TNRC18: variants seen among roughly 807,000 people sequenced by gnomAD.
TNRC18 encodes trinucleotide repeat containing 18, also known as trinucleotide repeat-containing gene 18 protein.
A neutral mutation model predicts 226.7 loss-of-function variants in TNRC18; 69 were observed. That is an observed-to-expected ratio of 0.30 (90% CI 0.25 to 0.37). TNRC18 has a LOEUF of 0.37. Among genes scored for constraint, TNRC18 ranks in the 10% least tolerant of loss-of-function variants. The pLI, the probability that TNRC18 is intolerant of heterozygous loss-of-function variation, is 1.00. For synonymous variants in TNRC18, 2,449 were observed against 1,927.6 expected (o/e 1.27, Z -7.09); for missense variants, 4,754 against 4,256.6 (o/e 1.12, Z -3.25).
intron 2 of TNRC18, among the ~76,000 whole-genome samples, chr7:5,402,910 A>C (rs1218305956): frequency 6.6e-6 from 1 of 151,680 alleles, no homozygotes; most frequent in African/African-American, 2.4e-5. Flanking sequence ...GATTAGCTGG[A>C]GGAAGGGTGC....
chr7:5,377,957 C>T lies in TNRC18; in HGVS notation c.2220G>A (p.Gly740=). ...TCTCCTGATCCCGGTCCAGCCGTGC[C>T]CCGAGCAGCCGTTCCTCCCGGTGTC... is the stretch of plus-strand genomic sequence containing the variant. The part of the protein sequence containing the change: ...RARHREERLL[G]ARLDRDQEKL... Residue 740 remains glycine (G), a synonymous_variant, in exon 6 of 30, where the codon GGG becomes GGA. Transcript: ENST00000430969. The surrounding 1 kb of genome is among the most constrained non-coding windows in gnomAD (Gnocchi z 5.8). 6.2e-7 allele frequency: 1 copy of T among 1,613,634 alleles called. No homozygotes were observed. The highest frequency in any genetic ancestry group is 8.5e-7 in the Non-Finnish European group (1 of 1,179,824).
chr7:5,406,289 C>A (rs1562629655), intron 2 of TNRC18, among the ~76,000 whole-genome samples: 1 of 151,646 alleles, frequency 6.6e-6, no homozygotes, highest in Non-Finnish European at 1.5e-5. Context: ...ATGGTGAAAT[C>A]CCATCTCTAC....
intron 5 of TNRC18, among the ~76,000 whole-genome samples, chr7:5,378,580 C>T (rs987438401): frequency 2.6e-5 from 4 of 151,732 alleles, no homozygotes; most frequent in East Asian, 3.9e-4. Context: ...CACCACGCCC[C>T]GCTAGTTTTT....
At chr7:5,318,852 A>T (rs1343299544) in intron 24 of TNRC18, among the ~76,000 whole-genome samples, 1 of 152,226 alleles carries the variant, frequency 6.6e-6, no homozygotes, top group Admixed American at 6.5e-5. Flanking sequence ...CTATCTCTAA[A>T]AAATCAGGGT....
chr7:5,308,084 TGGCCCGCAG>T lies in TNRC18; in HGVS notation c.*13_*21del, dbSNP rs1162295330. 3.9e-6 allele frequency: 6 copies of T among 1,540,572 alleles called. No individual in the cohort carries two copies. Among genetic ancestry groups the T allele is most frequent in the Non-Finnish European group, 5.3e-6 (6 of 1,140,252 alleles). ...TCCCTGGCCGCCCTCGGGGCACAGG[TGGCCCGCAG>T]GGCCCGGCGGGCTCAGCAGAGCACG... On this transcript the variant is annotated 3_prime_UTR_variant, in exon 30 of 30. Transcript: ENST00000430969.
At chr7:5,329,805 C>G in intron 19 of TNRC18, 3 of 410,170 alleles carry the variant, frequency 7.3e-6, no homozygotes, top group Non-Finnish European at 1.0e-5. Context: ...GGCTCCTTAA[C>G]CACTGGACTA....
chr7:5,409,117 G>T (rs1257701843), intron 2 of TNRC18, among the ~76,000 whole-genome samples: 3 of 151,824 alleles, frequency 2.0e-5, no homozygotes, highest in African/African-American at 7.3e-5. Context: ...CTCCTCAATG[G>T]CCAACAAGCC....
chr7:5,397,414 G>C (rs1251627833), intron 2 of TNRC18, among the ~76,000 whole-genome samples: 1 of 152,200 alleles, frequency 6.6e-6, no homozygotes, highest in Non-Finnish European at 1.5e-5. Context: ...CCGGATGCCA[G>C]CCAACGGCTC....
intron 2 of TNRC18, among the ~76,000 whole-genome samples, chr7:5,403,361 T>A (rs1781242818): frequency 6.6e-6 from 1 of 152,154 alleles, no homozygotes; most frequent in Non-Finnish European, 1.5e-5. Flanking sequence ...GGTTTCTCCA[T>A]GTTGGTCAGG....
At chr7:5,338,557 T>C (rs1454855844) in intron 18 of TNRC18, among the ~76,000 whole-genome samples, 1 of 137,044 alleles carries the variant, frequency 7.3e-6, no homozygotes, top group East Asian at 2.2e-4. Context: ...GGGCAACAGG[T>C]AGAGGTTGCA....
At chr7:5,323,549 C>T (rs1788594201) in intron 21 of TNRC18, among the ~76,000 whole-genome samples, 1 of 147,384 alleles carries the variant, frequency 6.8e-6, no homozygotes, top group Admixed American at 7.0e-5. Flanking sequence ...CCCACTCGTT[C>T]TCTGTGCAGC....
Position 5,324,432 on chromosome 7 carries a change from A to G in TNRC18, c.6301-77T>C. The G allele has an allele frequency of 1.3e-6, 2 of 1,558,470 alleles. No individual in the cohort carries two copies. The highest frequency in any genetic ancestry group is 1.7e-6 in the Non-Finnish European group (2 of 1,149,090). On this transcript the variant is annotated intron_variant, in intron 20 of 29. Coordinates refer to ENST00000430969, the MANE Select transcript of TNRC18 (RefSeq NM_001080495.3). This position sits in a 1 kb window ranked among gnomAD's most constrained non-coding sequence, Gnocchi z 4.8. Reference sequence around the variant, plus strand: ...GCCGGGTTGGGGACCCTCTCTGGAAACCTGGAGCCACAGTCAGGCCGCAGG... The same window carrying G: ...GCCGGGTTGGGGACCCTCTCTGGAAGCCTGGAGCCACAGTCAGGCCGCAGG...
chr7:5,363,502 G>C (rs1793290008), intron 11 of TNRC18, among the ~76,000 whole-genome samples: 1 of 152,134 alleles, frequency 6.6e-6, no homozygotes, highest in Admixed American at 6.5e-5. Context: ...TACTCGGGAG[G>C]CTGAAGCAGG....
chr7:5,362,155 C>A, intron 12 of TNRC18, 122 bp from the exon 13 acceptor site: 1 of 1,163,052 alleles, frequency 8.6e-7, no homozygotes, highest in Non-Finnish European at 1.2e-6. Context: ...GCTCGAGTCC[C>A]ACCGCTGCCA....
Position 5,356,671 on chromosome 7 carries a change from C to T in TNRC18, c.5194+245G>A, listed in dbSNP as rs903925741. On this transcript the variant is annotated intron_variant, in intron 16 of 29. Coordinates refer to ENST00000430969, the MANE Select transcript of TNRC18 (RefSeq NM_001080495.3). ...GCTCCCAACCGCCAATCACGGGCGC[C>T]CACCAATCACAAGCACCTGCCTGGC... is the stretch of plus-strand genomic sequence containing the variant. Among the ~76,000 whole-genome samples, 46 of 152,312 alleles carry T rather than the reference C, an allele frequency of 3.0e-4. No homozygotes were observed. The highest frequency in any genetic ancestry group is 3.4e-4 in the Non-Finnish European group (23 of 68,006).
chr7:5,310,478 T>C (rs1320237793), intron 27 of TNRC18, among the ~76,000 whole-genome samples: 4 of 152,136 alleles, frequency 2.6e-5, no homozygotes, highest in Admixed American at 6.6e-5. Context: ...CAAGTGATCC[T>C]CCTGCCTGGG....
chr7:5,416,968 TA>T (rs1782230665), intron 2 of TNRC18, among the ~76,000 whole-genome samples: 1 of 92,302 alleles, frequency 1.1e-5, no homozygotes, highest in Non-Finnish European at 2.4e-5. Flanking sequence ...GTTGACAGAG[TA>T]AAACCCTGTC....
chr7:5,317,339 C>T (rs539336286), intron 24 of TNRC18, among the ~76,000 whole-genome samples: 22 of 152,276 alleles, frequency 1.4e-4, no homozygotes, highest in African/African-American at 5.3e-4. Flanking sequence ...CCTGTAATCC[C>T]AGCACTTTGG....
chr7:5,347,167 C>T (rs1390099554), intron 17 of TNRC18, among the ~76,000 whole-genome samples: 1 of 150,970 alleles, frequency 6.6e-6, no homozygotes, highest in African/African-American at 2.4e-5. Context: ...ACAGAGCAAA[C>T]CTTGTCTCTA....
Sources: gnomAD v4.1 joint callset for allele counts (sites outside exome capture counted in the v4.1 genomes callset) on GRCh38, gnomAD v4.1.1 for gene constraint, Gnocchi (gnomAD v3.1) non-coding constraint, MANE v1.5 for transcripts, NCBI Gene and HGNC (gene_info 2026-07-23, HGNC 2026-07-21) for gene names.